RSRC1: variants seen among roughly 807,000 people sequenced by gnomAD.
RSRC1 encodes serine/Arginine-related protein 53.
In RSRC1, 39 loss-of-function variants were observed where a neutral mutation model predicts 49.1. The ratio of observed to expected loss-of-function variants is 0.79; its 90% CI spans 0.61 to 1.04. The LOEUF (loss-of-function observed/expected upper bound fraction) is 1.04, where lower values mean the gene tolerates loss of function less well. RSRC1 is among the 50% of genes least tolerant of loss of function. The pLI, the probability that RSRC1 is intolerant of heterozygous loss-of-function variation, is 0.00. For missense variants in RSRC1, 388 were observed against 402.4 expected (o/e 0.96, Z 0.31); for synonymous variants, 143 against 130.8 (o/e 1.09, Z -0.63).
At chr3:158,163,124 C>T (rs1718337475) in intron 3 of RSRC1, among the ~76,000 whole-genome samples, 1 of 152,136 alleles carries the variant, frequency 6.6e-6, no homozygotes, top group Admixed American at 6.6e-5. Context: ...ATGCCTCAGC[C>T]TCCCTAGTAG....
At chr3:158,130,836 T>C (rs1715971693) in intron 3 of RSRC1, among the ~76,000 whole-genome samples, 1 of 152,172 alleles carries the variant, frequency 6.6e-6, no homozygotes, top group Non-Finnish European at 1.5e-5. Flanking sequence ...TACATATTTT[T>C]GTATGTTTAG....
chr3:158,461,438 T>C (rs1189165495), intron 7 of RSRC1, among the ~76,000 whole-genome samples: 1 of 151,834 alleles, frequency 6.6e-6, no homozygotes, highest in Non-Finnish European at 1.5e-5. Flanking sequence ...TCATATGAAA[T>C]CCATGTCTTC....
chr3:158,189,956 T>G (rs937880251), intron 3 of RSRC1, among the ~76,000 whole-genome samples: 5 of 151,970 alleles, frequency 3.3e-5, no homozygotes, highest in African/African-American at 1.2e-4. Context: ...TAACATAAAT[T>G]ACTACTTTTA....
chr3:158,542,688 T>C lies in RSRC1; in HGVS notation c.760-647T>C, dbSNP rs1281000698. On this transcript the variant is annotated intron_variant, in intron 8 of 9. Transcript: ENST00000611884. ...AAAGGTTGGAAGGAATGGGGAATGA[T>C]TGCTAATGGTATGAGGTTTTGTGGG... Among the ~76,000 whole-genome samples, 12 of 152,186 alleles carry C rather than the reference T, an allele frequency of 7.9e-5. No individual in the cohort carries two copies. In the South Asian group the frequency reaches 2.5e-3, roughly 32 times the overall value.
intron 6 of RSRC1, among the ~76,000 whole-genome samples, chr3:158,455,729 C>T (rs1453192038): frequency 1.3e-5 from 2 of 151,946 alleles, no homozygotes; most frequent in Non-Finnish European, 2.9e-5. Context: ...CCTGTAATCC[C>T]AGCACTTTGG....
chr3:158,119,654 T>A (rs1715111902), intron 1 of RSRC1, among the ~76,000 whole-genome samples: 1 of 151,774 alleles, frequency 6.6e-6, no homozygotes, highest in African/African-American at 2.4e-5. Flanking sequence ...TATGTGGGTA[T>A]CTATTTGATA....
chr3:158,273,789 A>C (rs1460740373), intron 4 of RSRC1, among the ~76,000 whole-genome samples: 1 of 152,126 alleles, frequency 6.6e-6, no homozygotes, highest in Non-Finnish European at 1.5e-5. Flanking sequence ...GTTGAGAAGT[A>C]AGCAGGGACA....
At chr3:158,384,725 TC>T (rs1469635834) in intron 6 of RSRC1, among the ~76,000 whole-genome samples, 1 of 152,112 alleles carries the variant, frequency 6.6e-6, no homozygotes, top group Admixed American at 6.6e-5. Flanking sequence ...AAACTACAGA[TC>T]AGCAGGAAAT....
chr3:158,162,648 A>G lies in RSRC1; in HGVS notation c.320+38657A>G, dbSNP rs1043181183. Among the ~76,000 whole-genome samples, 4 of 152,218 alleles carry G rather than the reference A, an allele frequency of 2.6e-5. 1 individual carries two copies. Among genetic ancestry groups the G allele is most frequent in the Non-Finnish European group, 5.9e-5 (4 of 68,040 alleles). On this transcript the variant is annotated intron_variant, in intron 3 of 9. Coordinates refer to ENST00000611884, the MANE Select transcript of RSRC1 (RefSeq NM_001271838.2). ...TTGCTTCTAGCTCATTTATATGGAT[A>G]AGAATATTGATACAGGGCCTGGAGG...
chr3:158,302,169 G>T (rs1727588507), intron 5 of RSRC1, among the ~76,000 whole-genome samples: 1 of 151,828 alleles, frequency 6.6e-6, no homozygotes, highest in Admixed American at 6.6e-5. Flanking sequence ...GCCTTCCACA[G>T]TTGTATAGAT....
At position 158,545,067 on chromosome 3, in the gene RSRC1, T is replaced by C. The variant is rs1377963569; in HGVS notation, c.*792T>C. The C allele has an allele frequency of 1.3e-5, 2 of 152,196 alleles. No homozygotes were observed. Among genetic ancestry groups the C allele is most frequent in the Non-Finnish European group, 2.9e-5 (2 of 68,040 alleles). 9.4% of individuals were successfully genotyped at this position (152,196 alleles called of 1,614,324 possible). A position where few individuals can be genotyped will look rare whatever the true frequency, so the allele number is the denominator to read the frequency against. ...GCTATCTGCCATTGTAGAATACCTTTCTCTAGTAGCTGAATGACAATCAAC... is the reference window on the plus strand; with the variant it reads ...GCTATCTGCCATTGTAGAATACCTTCCTCTAGTAGCTGAATGACAATCAAC... On this transcript the variant is annotated 3_prime_UTR_variant, in exon 10 of 10. Coordinates refer to ENST00000611884, the MANE Select transcript of RSRC1 (RefSeq NM_001271838.2).
intron 5 of RSRC1, among the ~76,000 whole-genome samples, chr3:158,322,608 T>C (rs1184267321): frequency 6.6e-6 from 1 of 152,230 alleles, no homozygotes; most frequent in Admixed American, 6.5e-5. Context: ...TGGAGTTCAT[T>C]GGTCTTCAGT....
intron 1 of RSRC1, among the ~76,000 whole-genome samples, chr3:158,113,698 C>T (rs1468665320): frequency 1.3e-5 from 2 of 152,132 alleles, no homozygotes; most frequent in Non-Finnish European, 2.9e-5. Context: ...TGCATTCTGA[C>T]TGGCATGAGA....
chr3:158,538,880 CTT>C (rs1295805479), intron 8 of RSRC1, among the ~76,000 whole-genome samples: 23 of 152,050 alleles, frequency 1.5e-4, no homozygotes, highest in Admixed American at 1.3e-3. Flanking sequence ...TAAATTCACA[CTT>C]GACTGAAATA....
At chr3:158,224,405 A>G (rs1361352695) in intron 4 of RSRC1, among the ~76,000 whole-genome samples, 1 of 151,812 alleles carries the variant, frequency 6.6e-6, no homozygotes, top group Admixed American at 6.6e-5. Flanking sequence ...TTTCATCTGT[A>G]TGTTTATAAT....
At position 158,537,313 on chromosome 3, in the gene RSRC1, G is replaced by A. The variant is rs531773665; in HGVS notation, c.759+115G>A. 2.5e-3 allele frequency: 1,411 copies of A among 575,012 alleles called. 3 individuals carry two copies. Among genetic ancestry groups the A allele is most frequent in the Non-Finnish European group, 3.6e-3 (1,200 of 337,560 alleles). The allele number at this position is 575,012 out of a possible 1,614,324, so 35.6% of individuals were successfully genotyped here. On this transcript the variant is annotated intron_variant, in intron 8 of 9. Transcript: ENST00000611884. ...CTAATAGATGAAGTGAAGCAAGAGA[G>A]TGTCAGCCATGTTGCTGAGAGAGAG...
chr3:158,321,988 C>G (rs1171977949), intron 5 of RSRC1, among the ~76,000 whole-genome samples: 2 of 151,752 alleles, frequency 1.3e-5, no homozygotes, highest in Non-Finnish European at 2.9e-5. Flanking sequence ...CACACACACA[C>G]ACACACACAC....
intron 5 of RSRC1, among the ~76,000 whole-genome samples, chr3:158,315,403 T>G (rs994309771): frequency 6.6e-6 from 1 of 152,044 alleles, no homozygotes; most frequent in Non-Finnish European, 1.5e-5. Flanking sequence ...AAAATTATGG[T>G]GGAATTTTTG....
intron 5 of RSRC1, among the ~76,000 whole-genome samples, chr3:158,310,288 A>G (rs1728057231): frequency 6.6e-6 from 1 of 151,618 alleles, no homozygotes; most frequent in South Asian, 2.1e-4. Context: ...TTGCTTTGCT[A>G]TCTTATTGAG....
Sources: gnomAD v4.1 joint callset for allele counts (sites outside exome capture counted in the v4.1 genomes callset) on GRCh38, gnomAD v4.1.1 for gene constraint, MANE v1.5 for transcripts, NCBI Gene and HGNC (gene_info 2026-07-23, HGNC 2026-07-21) for gene names.